The following CCNQ variants were observed in gnomAD, a reference collection of about 807,000 sequenced individuals.
CCNQ encodes the protein cyclin Q, also known as cyclin-Q.
In CCNQ, 3 loss-of-function variants were observed where a neutral mutation model predicts 17.7. The ratio of observed to expected loss-of-function variants is 0.17; its 90% CI spans 0.08 to 0.44. The LOEUF (loss-of-function observed/expected upper bound fraction) is 0.44, where lower values mean the gene tolerates loss of function less well. Among genes scored for constraint, CCNQ ranks in the 20% least tolerant of loss-of-function variants. The pLI is 0.99. For missense variants in CCNQ, 146 were observed against 222.6 expected, an observed-to-expected ratio of 0.66 and a Z score of 2.19; for synonymous variants, 73 against 96.0, an observed-to-expected ratio of 0.76 and a Z score of 1.40.
At position 153,595,365 on chromosome X, in the gene CCNQ, G is replaced by A. The variant is rs782075882; in HGVS notation, c.296+639C>T. ...ACTCCTGGGCTCAAGCGATCCACCCGCCTCGGCCTCCCAAAGTGCTGGGAT... is the reference window on the plus strand; with the variant it reads ...ACTCCTGGGCTCAAGCGATCCACCCACCTCGGCCTCCCAAAGTGCTGGGAT... On this transcript the variant is annotated intron_variant, in intron 2 of 4. Transcript: ENST00000576892. 3.5e-5 allele frequency among the ~76,000 whole-genome samples: 4 copies of A among 113,637 alleles called. No individual in the cohort carries two copies. In the East Asian group the frequency reaches 8.3e-4, roughly 24 times the overall value.
intron 3 of CCNQ, among the ~76,000 whole-genome samples, chrX:153,594,046 T>C (rs1464573719): frequency 8.9e-6 from 1 of 112,948 alleles, no homozygotes; most frequent in African/African-American, 3.2e-5. Flanking sequence ...CTGTTTGAAA[T>C]GGTTCTTCTG....
intron 4 of CCNQ, among the ~76,000 whole-genome samples, chrX:153,591,016 A>G (rs1202121634): frequency 1.8e-5 from 2 of 112,183 alleles, no homozygotes; most frequent in African/African-American, 6.5e-5. Flanking sequence ...TCTCCAGGGA[A>G]GCACATCAAG....
chrX:153,592,396 G>A, intron 4 of CCNQ, 110 bp downstream of exon 4: 1 of 800,765 alleles, frequency 1.2e-6, no homozygotes, highest in Non-Finnish European at 1.8e-6. Context: ...ATGTTCCCCA[G>A]CAGCCCGTAT....
chrX:153,591,027 C>A (rs1012043986), intron 4 of CCNQ, among the ~76,000 whole-genome samples: 14 of 112,187 alleles, frequency 1.2e-4, no homozygotes, highest in Non-Finnish European at 2.4e-4. Flanking sequence ...GCACATCAAG[C>A]TGCCATGCTG....
rs1463781917 is a variant in CCNQ, at chrX:153,592,573, T to G, written c.590A>C (p.Tyr197Ser). The G allele has an allele frequency of 8.3e-7, 1 of 1,210,527 alleles. No homozygotes were observed. Among genetic ancestry groups the G allele is most frequent in the Non-Finnish European group, 1.1e-6 (1 of 895,184 alleles). ...AACTCCGTAGACCTGCAGGGCCAGG[T>G]AGAGCACCGCCACGGCGATGTGCTG... Reference protein sequence around the residue: ...QAQHIAVAVLYLALQVYGVEV... With the variant: ...QAQHIAVAVLSLALQVYGVEV... Residue 197 changes from tyrosine (Y) to serine (S), a missense_variant, in exon 4 of 5, where the codon TAC becomes TCC. Physicochemically the swap from Tyr to Ser is moderately radical, Grantham distance 144 (BLOSUM62 -2). Coordinates refer to ENST00000576892, the MANE Select transcript of CCNQ (RefSeq NM_152274.5).
In CCNQ at chrX:153,592,661, C is replaced by T. The variant is rs370810560; in HGVS notation, c.502G>A (p.Val168Ile). 60 of 1,210,332 alleles carry T rather than the reference C, an allele frequency of 5.0e-5. No individual in the cohort carries two copies. Among genetic ancestry groups the T allele is most frequent in the Non-Finnish European group, 6.3e-5 (56 of 894,991 alleles). The change falls in exon 4 of 5, where the codon GTC becomes ATC. Residue 168 changes from valine to isoleucine, a missense_variant. Transcript: ENST00000576892. ...RHSWQRTPVA[V>I]TAWALLRDSY... ...TCCCGCAGCAGGGCCCAGGCGGTGA[C>T]GGCAACAGGGGTCCGCTGCCAGCTG...
chrX:153,593,745 G>A (rs2091007800), intron 3 of CCNQ, among the ~76,000 whole-genome samples: 1 of 112,670 alleles, frequency 8.9e-6, no homozygotes. Context: ...TATACACACA[G>A]GAATACAAGT....
chrX:153,588,165 C>G lies in CCNQ; in HGVS notation c.*200G>C. On this transcript the variant is annotated 3_prime_UTR_variant, in exon 5 of 5. Transcript: ENST00000576892. ...CCCGGCCTGCCCGCTGGAGGCGCGGCTCCCACCATCACCTGCACCGCGACT... is the reference window on the plus strand; with the variant it reads ...CCCGGCCTGCCCGCTGGAGGCGCGGGTCCCACCATCACCTGCACCGCGACT... The G allele has an allele frequency of 1.9e-6, 1 of 527,075 alleles. No individual in the cohort carries two copies. The highest frequency in any genetic ancestry group is 2.6e-5 in the Admixed American group (1 of 38,198). 43.4% of individuals were successfully genotyped at this position (527,075 alleles called of 1,213,427 possible). A position where few individuals can be genotyped will look rare whatever the true frequency, so the allele number is the denominator to read the frequency against.
intron 1 of CCNQ, among the ~76,000 whole-genome samples, chrX:153,598,290 C>A (rs140015803): frequency 0.011 from 1,238 of 111,557 alleles, 15 homozygotes; most frequent in Non-Finnish European, 0.02. Context: ...GTGGCACACA[C>A]CTGTAATTCC....
At chrX:153,597,688 G>A (rs1603164228) in intron 1 of CCNQ, 1 of 111,955 alleles carries the variant, frequency 8.9e-6, no homozygotes, top group East Asian at 2.8e-4. Context: ...ACATCTTTGG[G>A]AAATCAATAT....
chrX:153,598,254 A>G (rs1557027508), intron 1 of CCNQ, among the ~76,000 whole-genome samples: 2 of 111,682 alleles, frequency 1.8e-5, no homozygotes. Context: ...CGTCTCTACT[A>G]AAAATACAAA....
In CCNQ at chrX:153,587,981, T is replaced by C. The variant is rs1557024845; in HGVS notation, c.*384A>G. On this transcript the variant is annotated 3_prime_UTR_variant, in exon 5 of 5. Coordinates refer to ENST00000576892, the MANE Select transcript of CCNQ (RefSeq NM_152274.5). ...AGATTTCAGCCACGTTGCACATTCA[T>C]TCTCCCTACAAATCTGGCTTTTAAG... The C allele has an allele frequency of 3.1e-6, 1 of 320,746 alleles. No individual in the cohort carries two copies. The highest frequency in any genetic ancestry group is 2.6e-5 in the African/African-American group (1 of 37,841). The allele number at this position is 320,746 out of a possible 1,213,427, so 26.4% of individuals were successfully genotyped here.
chrX:153,598,810 G>T, intron 1 of CCNQ, 152 bp downstream of exon 1: 1 of 320,598 alleles, frequency 3.1e-6, no homozygotes, highest in Non-Finnish European at 5.0e-6. Flanking sequence ...AGCACACCGG[G>T]CGCGGCGCAA....
At chrX:153,588,927 G>A (rs1311157940) in intron 4 of CCNQ, among the ~76,000 whole-genome samples, 2 of 113,127 alleles carry the variant, frequency 1.8e-5, no homozygotes, top group Non-Finnish European at 3.8e-5. Flanking sequence ...GGACCGCCAC[G>A]TGCAGGAGCA....
chrX:153,592,400 C>T, intron 4 of CCNQ, 106 bp downstream of exon 4: 1 of 818,014 alleles, frequency 1.2e-6, no homozygotes, highest in Non-Finnish European at 1.8e-6. Flanking sequence ...TCCCCAGCAG[C>T]CCGTATCTTT....
intron 4 of CCNQ, among the ~76,000 whole-genome samples, chrX:153,590,231 TAAAAAAAAAAA>T (rs59053078): frequency 7.6e-5 from 2 of 26,456 alleles, no homozygotes; most frequent in Non-Finnish European, 1.2e-4. Context: ...CTGTCTCTAT[TAAAAAAAAAAA>T]AAAAAAAAAA....
chrX:153,594,730 C>G (rs1557026636), intron 2 of CCNQ, 51 bp from the exon 3 acceptor site: 3 of 1,183,472 alleles, frequency 2.5e-6, no homozygotes, highest in South Asian at 1.8e-5. Context: ...CTCCTGAGCA[C>G]TGGATGGCTC....
At position 153,592,639 on chromosome X, in the gene CCNQ, C is replaced by T. The variant is rs930788533; in HGVS notation, c.524G>A (p.Arg175Gln). The T allele has an allele frequency of 1.7e-6, 2 of 1,209,924 alleles. No homozygotes were observed. The highest frequency in any genetic ancestry group is 2.2e-6 in the Non-Finnish European group (2 of 894,824). The change falls in exon 4 of 5, where the codon CGG (arginine) becomes CAG (glutamine). Residue 175 changes from arginine (R) to glutamine (Q), a missense_variant. By Grantham distance (43) the Arg-to-Gln change is conservative (BLOSUM62 1). Transcript: ENST00000576892. ...PVAVTAWALLRDSYHGALCLR... is the reference protein window; with the variant it reads ...PVAVTAWALLQDSYHGALCLR... ...GCACAGCGCCCCATGGTAGCTGTCC[C>T]GCAGCAGGGCCCAGGCGGTGACGGC...
chrX:153,588,650 C>T (rs2090970542), intron 4 of CCNQ, among the ~76,000 whole-genome samples, 196 bp from the exon 5 acceptor site: 1 of 112,583 alleles, frequency 8.9e-6, no homozygotes, highest in Admixed American at 9.3e-5. Context: ...AGGCCGAGAA[C>T]ATTCCAGATG....
Sources: gnomAD v4.1 joint callset for allele counts (sites outside exome capture counted in the v4.1 genomes callset) on GRCh38, gnomAD v4.1.1 for gene constraint, MANE v1.5 for transcripts, NCBI Gene and HGNC (gene_info 2026-07-23, HGNC 2026-07-21) for gene names.